Variants in CLASRP observed in about 807,000 individuals in gnomAD.
CLASRP encodes the protein CLK4-associating serine/arginine rich protein.
CLASRP carries 52 observed loss-of-function variants against 99.9 expected under a neutral mutation model. The observed-to-expected ratio is 0.52, with a 90% confidence interval of 0.42 to 0.66. The LOEUF (loss-of-function observed/expected upper bound fraction) is 0.66. Among genes scored for constraint, CLASRP ranks in the 30% least tolerant of loss-of-function variants. CLASRP has a pLI of 0.00. For missense variants in CLASRP, 848 were observed against 999.2 expected (o/e 0.85, Z 2.04); for synonymous variants, 379 against 373.0 (o/e 1.02, Z -0.18).
Position 45,069,049 on chromosome 19 carries a change from G to GTTCT in CLASRP, c.1769-12_1769-9dup. ...CTTAAGGGAACCCCTCAGCCACCCT[G>GTTCT]TTCTTTCTCTCTACAGTCAAGGCGG... On this transcript the variant is annotated splice_polypyrimidine_tract_variant and intron_variant, in intron 16 of 20. Transcript: ENST00000221455. The GTTCT allele has an allele frequency of 6.2e-7, 1 of 1,612,634 alleles. No individual in the cohort carries two copies. The highest frequency in any genetic ancestry group is 8.5e-7 in the Non-Finnish European group (1 of 1,178,790).
rs1039960664 is a variant in CLASRP, at chr19:45,065,394, A to G, written c.1409+764A>G. On this transcript the variant is annotated intron_variant, in intron 13 of 20. Transcript: ENST00000221455. ...ACAGAGTGAGATTCCGTCTCAAAAA[A>G]AAAAAAAAAAAAAAAAATTAGCTGG... Among the ~76,000 whole-genome samples, 243 of 144,566 alleles carry G rather than the reference A, an allele frequency of 1.7e-3. 1 individual carries two copies. The highest frequency in any genetic ancestry group is 5.9e-3 in the African/African-American group (213 of 36,276). 94.8% of individuals were successfully genotyped at this position (144,566 alleles called of 152,430 possible). A position where few individuals can be genotyped will look rare whatever the true frequency, so the allele number is the denominator to read the frequency against.
At chr19:45,070,326 G>C (rs1030815239) in intron 19 of CLASRP, among the ~76,000 whole-genome samples, 2 of 151,648 alleles carry the variant, frequency 1.3e-5, no homozygotes, top group Admixed American at 1.3e-4. Flanking sequence ...CACACAGATT[G>C]CTTTAGTCAC....
chr19:45,054,805 C>T (rs572279030), intron 5 of CLASRP, among the ~76,000 whole-genome samples: 3 of 152,054 alleles, frequency 2.0e-5, no homozygotes, highest in African/African-American at 2.4e-5. Flanking sequence ...GATTTTGTTG[C>T]GTGGGGTGGT....
chr19:45,067,527 C>T lies in CLASRP; in HGVS notation c.1600C>T (p.Pro534Ser), dbSNP rs563657401. ...CCGCAGCCGCAGCCAGAGCCCCTCGCCATCACCCGCAAGAGAGAAGCTGAC... is the reference window on the plus strand; with the variant it reads ...CCGCAGCCGCAGCCAGAGCCCCTCGTCATCACCCGCAAGAGAGAAGCTGAC... ...RSRSRSQSPS[P>S]SPAREKLTRP... The change falls in exon 14 of 21, where the codon CCA becomes TCA. Residue 534 changes from proline to serine, a missense_variant. This residue lies in a region of CLASRP where 489 missense variants were observed against 434.7 expected (regional missense o/e 1.12). Transcript: ENST00000221455. The surrounding 1 kb of genome is among the most constrained non-coding windows in gnomAD (Gnocchi z 4.9). The T allele has an allele frequency of 1.2e-6, 2 of 1,602,520 alleles. No homozygotes were observed. Among genetic ancestry groups the T allele is most frequent in the Non-Finnish European group, 1.7e-6 (2 of 1,178,026 alleles).
chr19:45,068,312 C>CCCCG, intron 15 of CLASRP, 108 bp from the exon 16 acceptor site: 2 of 511,598 alleles, frequency 3.9e-6, no homozygotes, highest in South Asian at 4.2e-5. Flanking sequence ...ACGTCGTTCT[C>CCCCG]CCCCCCCCAC....
intron 8 of CLASRP, 123 bp downstream of exon 8, chr19:45,059,487 G>A (rs1428158026): frequency 2.5e-6 from 2 of 795,384 alleles, no homozygotes; most frequent in Non-Finnish European, 4.1e-6. Context: ...CTGGGCCCAG[G>A]ACTTTACACA....
intron 15 of CLASRP, 94 bp from the exon 16 acceptor site, chr19:45,068,326 C>CT: frequency 1.6e-6 from 1 of 630,496 alleles, no homozygotes; most frequent in South Asian, 1.9e-5. Context: ...CCCCCACCCC[C>CT]CCCCCGCACA....
Position 45,070,045 on chromosome 19 carries a change from A to G in CLASRP, c.1898A>G (p.Glu633Gly). ...RMKERERREK[E>G]REEWERQYSR... ...AGGGAGCGGGAACGCCGAGAGAAGG[A>G]GAGAGAAGAGTGGGAACGCCAGTAC... The change falls in exon 19 of 21, where the codon GAG (glutamate) becomes GGG (glycine). Residue 633 changes from glutamate (E) to glycine (G), a missense_variant. Glu to Gly is a moderately conservative substitution (Grantham distance 98). Around this residue, in one of 8 missense-constraint regions of CLASRP, gnomAD observed 116 missense variants for 162.7 expected, o/e 0.71. Transcript: ENST00000221455. The G allele has an allele frequency of 6.2e-7, 1 of 1,607,610 alleles. No individual in the cohort carries two copies. The highest frequency in any genetic ancestry group is 1.1e-5 in the South Asian group (1 of 90,962).
intron 13 of CLASRP, among the ~76,000 whole-genome samples, chr19:45,066,409 C>T (rs910339581): frequency 5.3e-5 from 8 of 152,032 alleles, no homozygotes; most frequent in African/African-American, 2.4e-5. Flanking sequence ...TGAGCCACCG[C>T]GCCTGGCCCT....
intron 13 of CLASRP, among the ~76,000 whole-genome samples, chr19:45,065,398 A>G (rs1967061989): frequency 2.0e-5 from 3 of 150,016 alleles, no homozygotes; most frequent in South Asian, 2.1e-4. Flanking sequence ...CAAAAAAAAA[A>G]AAAAAAAAAA....
In CLASRP at chr19:45,064,613, G is replaced by C; in HGVS notation, c.1392G>C (p.Gly464=). The change falls in exon 13 of 21, where the codon GGG becomes GGC. Residue 464 remains glycine, a synonymous_variant. Transcript: ENST00000221455. ...CGCCCGCCCGGCGTGGTGGTTACGG[G>C]CCCCGGCGCAGAAGCAGGTGTGTGT... is the stretch of plus-strand genomic sequence containing the variant. The part of the protein sequence containing the change: ...SRSPARRGGY[G]PRRRSRSRSH... 6.4e-7 allele frequency: 1 copy of C among 1,551,920 alleles called. No individual in the cohort carries two copies. The highest frequency in any genetic ancestry group is 8.7e-7 in the Non-Finnish European group (1 of 1,154,794).
In CLASRP at chr19:45,067,240, C is replaced by A; in HGVS notation, c.1410-97C>A. On this transcript the variant is annotated intron_variant, in intron 13 of 20. Transcript: ENST00000221455. This position sits in a 1 kb window ranked among gnomAD's most constrained non-coding sequence, Gnocchi z 4.9. ...GAGAGTCGAGCCTGTCACCCTGGGCCTTGCAGGAAGGAGGACTGTGGATCC... is the reference window on the plus strand; with the variant it reads ...GAGAGTCGAGCCTGTCACCCTGGGCATTGCAGGAAGGAGGACTGTGGATCC... The A allele has an allele frequency of 7.4e-7, 1 of 1,353,260 alleles. No homozygotes were observed. Among genetic ancestry groups the A allele is most frequent in the Non-Finnish European group, 9.7e-7 (1 of 1,026,142 alleles). The allele number at this position is 1,353,260 out of a possible 1,614,324, so 83.8% of individuals were successfully genotyped here. A position where few individuals can be genotyped will look rare whatever the true frequency, so the allele number is the denominator to read the frequency against.
chr19:45,065,118 C>A (rs2122600911), intron 13 of CLASRP, among the ~76,000 whole-genome samples: 1 of 152,088 alleles, frequency 6.6e-6, no homozygotes, highest in South Asian at 2.1e-4. Flanking sequence ...TTTGGCCTGG[C>A]GTGGTGGCTC....
At chr19:45,068,241 C>T (rs987059318) in intron 15 of CLASRP, 179 bp from the exon 16 acceptor site, 1 of 663,936 alleles carries the variant, frequency 1.5e-6, no homozygotes, top group Admixed American at 2.3e-5. Flanking sequence ...TACACTGGGG[C>T]TCCACCTGTC....
In CLASRP at chr19:45,067,156, AGCCGGAGGGAG is replaced by A. The variant is rs1463859274; in HGVS notation, c.1410-174_1410-164del. Among the ~76,000 whole-genome samples the A allele has an allele frequency of 6.6e-6, 1 of 152,194 alleles. No individual in the cohort carries two copies. Among genetic ancestry groups the A allele is most frequent in the Non-Finnish European group, 1.5e-5 (1 of 68,026 alleles). ...AGTGTATCTAGAGCGCCATCTCTGT[AGCCGGAGGGAG>A]GCCGGAATGCCGCTCTGGGACATTT... On this transcript the variant is annotated intron_variant, in intron 13 of 20. Transcript: ENST00000221455. The surrounding 1 kb of genome is among the most constrained non-coding windows in gnomAD (Gnocchi z 4.9).
chr19:45,067,320 C>T lies in CLASRP; in HGVS notation c.1410-17C>T, dbSNP rs374608965. The T allele has an allele frequency of 4.4e-5, 66 of 1,492,638 alleles. No homozygotes were observed. In the African/African-American group the frequency reaches 7.0e-4, roughly 16 times the overall value. 92.5% of individuals were successfully genotyped at this position (1,492,638 alleles called of 1,614,324 possible). On this transcript the variant is annotated splice_polypyrimidine_tract_variant and intron_variant, in intron 13 of 20. Coordinates refer to ENST00000221455, the MANE Select transcript of CLASRP (RefSeq NM_007056.3). The surrounding 1 kb of genome is among the most constrained non-coding windows in gnomAD (Gnocchi z 4.9). ...CTGGAGCCTCACAGTCCTCCTCCCG[C>T]CCTGCTGCATCCCCAGGAGCCGCTC...
At chr19:45,070,259 T>G (rs1461472337) in intron 19 of CLASRP, among the ~76,000 whole-genome samples, 155 bp downstream of exon 19, 1 of 151,922 alleles carries the variant, frequency 6.6e-6, no homozygotes, top group African/African-American at 2.4e-5. Context: ...TCACCTGAGG[T>G]CAGGAGTTCG....
chr19:45,057,218 C>T (rs983087916), intron 6 of CLASRP, among the ~76,000 whole-genome samples: 1 of 152,196 alleles, frequency 6.6e-6, no homozygotes, highest in African/African-American at 2.4e-5. Flanking sequence ...AGCCCTGGCT[C>T]GGGGCTGGGC....
intron 5 of CLASRP, among the ~76,000 whole-genome samples, chr19:45,055,426 C>T (rs971743127): frequency 7.9e-5 from 12 of 152,322 alleles, no homozygotes; most frequent in African/African-American, 2.9e-4. Flanking sequence ...TCAGCAGGGC[C>T]TCTCTTGGGC....
Sources: allele counts gnomAD v4.1 joint callset (sites outside exome capture counted in the v4.1 genomes callset), GRCh38; gene constraint gnomAD v4.1.1; regional missense constraint gnomAD v4.1.1; non-coding constraint Gnocchi (gnomAD v3.1); transcripts MANE v1.5; gene names NCBI Gene and HGNC (gene_info 2026-07-23, HGNC 2026-07-21).